Variants in PBRM1 observed in about 807,000 individuals in gnomAD.
The protein encoded by PBRM1 is polybromo 1, also known as protein polybromo-1.
PBRM1 carries 27 observed loss-of-function variants against 194.5 expected under a neutral mutation model. The ratio of observed to expected loss-of-function variants is 0.14; its 90% confidence interval spans 0.10 to 0.19. PBRM1 has a LOEUF of 0.19. Ranked by LOEUF, PBRM1 falls within the 10% of genes least tolerant of loss-of-function variation. The pLI is 1.00. For synonymous variants in PBRM1, 655 were observed against 693.2 expected, an observed-to-expected ratio of 0.94 and a Z score of 0.87; for missense variants, 1,466 against 2,077.2, an observed-to-expected ratio of 0.71 and a Z score of 5.72.
exon 14 of PBRM1, chr3:52,617,463 G>T: frequency 1.2e-6 from 2 of 1,612,864 alleles, no homozygotes; most frequent in Non-Finnish European, 1.7e-6. Flanking sequence ...AAAGTCTTCT[G>T]CCTGAACCTG....
intron 8 of PBRM1, among the ~76,000 whole-genome samples, chr3:52,644,281 T>C (rs901832260): frequency 6.6e-6 from 1 of 152,168 alleles, no homozygotes; most frequent in East Asian, 1.9e-4. Context: ...AGAATTATAA[T>C]ATCAACTGTA....
chr3:52,632,079 T>C (rs1251832398), intron 11 of PBRM1, among the ~76,000 whole-genome samples: 1 of 152,374 alleles, frequency 6.6e-6, no homozygotes, highest in African/African-American at 2.4e-5. Context: ...TTGTGAATGC[T>C]GCTGCTGTGA....
In PBRM1 at chr3:52,654,811, G is replaced by A. The variant is rs115945612; in HGVS notation, c.646-3001C>T. Reference sequence around the variant, plus strand: ...GAGAGCGAGAGAGAGAAAAAGAGACGGGGTCTCTTTCTGTTGCCTAGGTTG... The same window carrying A: ...GAGAGCGAGAGAGAGAAAAAGAGACAGGGTCTCTTTCTGTTGCCTAGGTTG... On this transcript the variant is annotated intron_variant, in intron 5 of 29. Transcript: ENST00000296302. 6.9e-3 allele frequency among the ~76,000 whole-genome samples: 1,056 copies of A among 152,110 alleles called. 15 individuals carry two copies. The highest frequency in any genetic ancestry group is 0.024 in the African/African-American group (985 of 41,506).
intron 2 of PBRM1, among the ~76,000 whole-genome samples, chr3:52,677,118 G>A (rs1185454068): frequency 6.6e-6 from 1 of 152,080 alleles, no homozygotes; most frequent in Non-Finnish European, 1.5e-5. Flanking sequence ...AAAACATAGG[G>A]GAAAAGCTTC....
intron 13 of PBRM1, among the ~76,000 whole-genome samples, chr3:52,621,455 G>A (rs1466306839): frequency 6.6e-6 from 1 of 152,140 alleles, no homozygotes; most frequent in African/African-American, 2.4e-5. Flanking sequence ...GAGCCACTGC[G>A]CCCCAGCTCT....
At chr3:52,582,159 T>G (rs1323292764) in intron 20 of PBRM1, among the ~76,000 whole-genome samples, 1 of 150,372 alleles carries the variant, frequency 6.7e-6, no homozygotes, top group Admixed American at 6.6e-5. Flanking sequence ...GGAGAATCAC[T>G]TGAACCTGGG....
intron 2 of PBRM1, among the ~76,000 whole-genome samples, chr3:52,674,604 A>C (rs1349482113): frequency 6.9e-6 from 1 of 144,942 alleles, no homozygotes; most frequent in East Asian, 2.0e-4. Flanking sequence ...AGCCTGGGCA[A>C]CACAGGGAAA....
intron 3 of PBRM1, among the ~76,000 whole-genome samples, chr3:52,662,881 T>C (rs1261428293): frequency 6.7e-6 from 1 of 150,274 alleles, no homozygotes. Flanking sequence ...ACTAATACAC[T>C]AAGAAAGACA....
intron 2 of PBRM1, among the ~76,000 whole-genome samples, chr3:52,669,414 C>T (rs913747732): frequency 6.6e-6 from 1 of 152,052 alleles, no homozygotes; most frequent in Non-Finnish European, 1.5e-5. Context: ...ATGACAATTT[C>T]TTAAGTTCCC....
At chr3:52,558,318 C>T (rs1443187477) in exon 26 of PBRM1, 4 of 1,549,558 alleles carry the variant, frequency 2.6e-6, no homozygotes, top group Admixed American at 2.0e-5. Context: ...CCCATGAGAG[C>T]CCCCACAGGG....
chr3:52,628,274 T>C (rs191614466), intron 12 of PBRM1, among the ~76,000 whole-genome samples: 5 of 151,544 alleles, frequency 3.3e-5, no homozygotes, highest in African/African-American at 1.2e-4. Context: ...ATCCCAAAAT[T>C]ACTGTACAGG....
At chr3:52,579,342 T>G in intron 20 of PBRM1, 143 bp from the exon 23 acceptor site, 1 of 730,462 alleles carries the variant, frequency 1.4e-6, no homozygotes, top group Non-Finnish European at 2.3e-6. Context: ...TCCCAGCATT[T>G]TGGGAGGCCA....
intron 20 of PBRM1, among the ~76,000 whole-genome samples, chr3:52,579,484 C>G (rs1232568281): frequency 6.6e-6 from 1 of 152,032 alleles, no homozygotes; most frequent in Non-Finnish European, 1.5e-5. Flanking sequence ...GTAGTCCCAG[C>G]TACTCAAAGA....
intron 2 of PBRM1, among the ~76,000 whole-genome samples, chr3:52,675,794 C>T (rs114180403): frequency 0.014 from 2,076 of 152,242 alleles, 26 homozygotes; most frequent in Non-Finnish European, 0.021. Flanking sequence ...ACAAACGATA[C>T]CGGGAAAACT....
chr3:52,642,776 G>A lies in PBRM1; in HGVS notation c.995+472C>T, dbSNP rs183660759. ...GTCTGAGAGGTGATATAAGGCCTAC[G>A]TTAGTAATTCAATTTTTTTTTTTTT... On this transcript the variant is annotated intron_variant, in intron 9 of 29. Coordinates refer to ENST00000296302, the Ensembl canonical transcript of PBRM1. Among the ~76,000 whole-genome samples the A allele has an allele frequency of 2.0e-4, 30 of 151,406 alleles. No individual in the cohort carries two copies. In the East Asian group the frequency reaches 5.4e-3, roughly 27 times the overall value.
In PBRM1 at chr3:52,627,381, G is replaced by A. The variant is rs1486004567; in HGVS notation, c.1444-11C>T. The A allele has an allele frequency of 3.2e-6, 5 of 1,561,894 alleles. No individual in the cohort carries two copies. The East Asian group carries it at 6.7e-5, about 21-fold the overall frequency. On this transcript the variant is annotated splice_polypyrimidine_tract_variant and intron_variant, in intron 12 of 29. Transcript: ENST00000296302. ...CTCTTTCTTCTTTGCCTAAAACAGAGCAGATCTCAGGAGTTGAGCTCATGT... is the reference window on the plus strand; with the variant it reads ...CTCTTTCTTCTTTGCCTAAAACAGAACAGATCTCAGGAGTTGAGCTCATGT...
At chr3:52,547,681 T>TTA (rs1385651747), downstream of PBRM1, 198 of 232,732 alleles carry the variant, frequency 8.5e-4, no homozygotes, top group East Asian at 4.5e-3. Flanking sequence ...TTTTGTTCTT[T>TTA]TATATATATA....
intron 7 of PBRM1, among the ~76,000 whole-genome samples, chr3:52,645,809 A>G (rs985713201): frequency 6.6e-5 from 10 of 152,184 alleles, no homozygotes; most frequent in African/African-American, 2.4e-4. Flanking sequence ...TTTCATCACA[A>G]TACTCAGAAT....
At chr3:52,545,533 AATC>A (rs1484892477), downstream of PBRM1, 1 of 233,026 alleles carries the variant, frequency 4.3e-6, no homozygotes, top group African/African-American at 2.2e-5. Context: ...TCAAGCTCAA[AATC>A]ATCAACACCA....
Sources: allele counts gnomAD v4.1 joint callset (sites outside exome capture counted in the v4.1 genomes callset), GRCh38; gene constraint gnomAD v4.1.1; transcripts MANE v1.5; gene names NCBI Gene and HGNC (gene_info 2026-07-23, HGNC 2026-07-21).